FAR2: variants seen among roughly 807,000 people sequenced by gnomAD.
The protein encoded by FAR2 is epididymis secretory protein Li 81.
Under a neutral mutation model 56.0 loss-of-function variants are expected in FAR2, and 19 were observed. The ratio of observed to expected loss-of-function variants is 0.34; its 90% CI spans 0.24 to 0.50. The LOEUF is 0.50. Among genes scored for constraint, FAR2 ranks in the 20% least tolerant of loss-of-function variants. The pLI, the probability that FAR2 is intolerant of heterozygous loss-of-function variation, is 0.98. For missense variants in FAR2, 508 were observed against 642.2 expected (o/e 0.79, Z 2.26); for synonymous variants, 219 against 218.8 (o/e 1.00, Z -0.01).
At chr12:29,222,406 G>A (rs1478861250) in intron 1 of FAR2, among the ~76,000 whole-genome samples, 3 of 152,132 alleles carry the variant, frequency 2.0e-5, no homozygotes, top group Admixed American at 2.0e-4. Flanking sequence ...TATTGCACTA[G>A]GGGAGAGAGA....
At chr12:29,297,951 G>T (rs113064633) in intron 4 of FAR2, among the ~76,000 whole-genome samples, 1 of 150,420 alleles carries the variant, frequency 6.6e-6, no homozygotes, top group Non-Finnish European at 1.5e-5. Context: ...GGGGAGAATC[G>T]CTTGAACCTG....
intron 2 of FAR2, among the ~76,000 whole-genome samples, chr12:29,286,069 AC>A (rs1414670525): frequency 3.0e-5 from 1 of 33,878 alleles, no homozygotes; most frequent in Non-Finnish European, 6.4e-5. Flanking sequence ...ACACAGACAC[AC>A]ACACACACAC....
intron 4 of FAR2, among the ~76,000 whole-genome samples, chr12:29,300,629 A>AGTTGTTGTTGTT (rs34282694): frequency 4.0e-5 from 6 of 150,100 alleles, no homozygotes; most frequent in Admixed American, 2.0e-4. Context: ...CCTGGGGGAA[A>AGTTGTTGTTGTT]GTTGTTGTTG....
intron 1 of FAR2, among the ~76,000 whole-genome samples, chr12:29,201,236 T>C (rs1324552508): frequency 1.3e-5 from 2 of 152,228 alleles, no homozygotes; most frequent in Non-Finnish European, 2.9e-5. Flanking sequence ...TATTTGCACC[T>C]GAGCCTGCCC....
intron 1 of FAR2, among the ~76,000 whole-genome samples, chr12:29,180,888 T>G (rs1464127462): frequency 1.3e-5 from 2 of 152,142 alleles, no homozygotes; most frequent in Non-Finnish European, 1.5e-5. Flanking sequence ...CTCATAATCC[T>G]TCTGTGTACA....
In FAR2 at chr12:29,334,846, G is replaced by A. The variant is rs1949775262; in HGVS notation, c.*1052G>A. The A allele has an allele frequency of 2.0e-5, 3 of 152,162 alleles. No homozygotes were observed. 9.4% of individuals were successfully genotyped at this position (152,162 alleles called of 1,614,324 possible). On this transcript the variant is annotated 3_prime_UTR_variant, in exon 12 of 12. Coordinates refer to ENST00000536681, the MANE Select transcript of FAR2 (RefSeq NM_001271783.2). ...ACAACACACAGCAGAAAAGTGAATA[G>A]ACTTCACTAAGGGATTCTAAGTTTA... is the stretch of plus-strand genomic sequence containing the variant.
At chr12:29,215,574 A>G (rs1392537829) in intron 1 of FAR2, among the ~76,000 whole-genome samples, 1 of 152,212 alleles carries the variant, frequency 6.6e-6, no homozygotes, top group Admixed American at 6.5e-5. Flanking sequence ...GAAAAAATCA[A>G]ATCTGTTATC....
At chr12:29,240,167 T>C (rs1948004502) in intron 1 of FAR2, among the ~76,000 whole-genome samples, 2 of 152,188 alleles carry the variant, frequency 1.3e-5, no homozygotes, top group South Asian at 4.1e-4. Flanking sequence ...TTATACAAAA[T>C]AGTATAATTT....
Position 29,333,891 on chromosome 12 carries a change from C to T in FAR2, c.*97C>T. The T allele has an allele frequency of 8.9e-7, 1 of 1,127,436 alleles. No individual in the cohort carries two copies. Among genetic ancestry groups the T allele is most frequent in the Non-Finnish European group, 1.3e-6 (1 of 781,840 alleles). The allele number at this position is 1,127,436 out of a possible 1,614,324, so 69.8% of individuals were successfully genotyped here. On this transcript the variant is annotated 3_prime_UTR_variant, in exon 12 of 12. Transcript: ENST00000536681. ...ATTAGAAAGTAACAAGGAATATGCC[C>T]AAACTGTCAAATGTCACCTGTTATG... is the stretch of plus-strand genomic sequence containing the variant.
intron 1 of FAR2, among the ~76,000 whole-genome samples, chr12:29,174,646 T>C (rs918037443): frequency 6.6e-6 from 1 of 151,974 alleles, no homozygotes; most frequent in African/African-American, 2.4e-5. Context: ...GGTCTCGATC[T>C]CCTGACCTCA....
intron 3 of FAR2, among the ~76,000 whole-genome samples, chr12:29,293,814 T>C (rs1055947985): frequency 3.3e-5 from 5 of 152,230 alleles, no homozygotes; most frequent in African/African-American, 1.2e-4. Flanking sequence ...AATGATTACA[T>C]GACATTCCAT....
At chr12:29,297,683 A>G (rs1949093705) in intron 4 of FAR2, among the ~76,000 whole-genome samples, 1 of 152,204 alleles carries the variant, frequency 6.6e-6, no homozygotes, top group South Asian at 2.1e-4. Context: ...TGAGGTTGAA[A>G]AAAGTTATAT....
At chr12:29,216,197 C>T (rs1205470426) in intron 1 of FAR2, among the ~76,000 whole-genome samples, 1 of 152,224 alleles carries the variant, frequency 6.6e-6, no homozygotes, top group Non-Finnish European at 1.5e-5. Flanking sequence ...ACACTATCTA[C>T]CTCCAGGCTC....
At chr12:29,313,795 T>C (rs1591960838) in intron 8 of FAR2, among the ~76,000 whole-genome samples, 2 of 152,262 alleles carry the variant, frequency 1.3e-5, no homozygotes, top group East Asian at 1.9e-4. Flanking sequence ...AAAGGGTTTA[T>C]TATTTTTTTC....
chr12:29,249,187 G>T (rs1342570064), intron 1 of FAR2, among the ~76,000 whole-genome samples: 1 of 152,178 alleles, frequency 6.6e-6, no homozygotes, highest in Non-Finnish European at 1.5e-5. Flanking sequence ...TTTAGAGATT[G>T]CAGTAAAGAC....
intron 1 of FAR2, among the ~76,000 whole-genome samples, chr12:29,212,103 G>A (rs1947556815): frequency 6.6e-6 from 1 of 151,680 alleles, no homozygotes; most frequent in African/African-American, 2.4e-5. Context: ...AATTCTCAAA[G>A]TACGTTCAGA....
At chr12:29,181,788 T>A (rs1949994332) in intron 1 of FAR2, among the ~76,000 whole-genome samples, 1 of 152,260 alleles carries the variant, frequency 6.6e-6, no homozygotes, top group African/African-American at 2.4e-5. Context: ...CCCCAATACT[T>A]GATTCTACCT....
At chr12:29,243,688 T>C (rs1195579425) in intron 1 of FAR2, among the ~76,000 whole-genome samples, 1 of 152,188 alleles carries the variant, frequency 6.6e-6, no homozygotes, top group African/African-American at 2.4e-5. Flanking sequence ...GTAGCAGTTA[T>C]AGGCCTAATA....
intron 8 of FAR2, among the ~76,000 whole-genome samples, chr12:29,316,336 C>T (rs1214194840): frequency 6.6e-6 from 1 of 152,080 alleles, no homozygotes; most frequent in African/African-American, 2.4e-5. Context: ...AACATATTCC[C>T]AGAGAAGTAT....
Sources: allele counts gnomAD v4.1 joint callset (sites outside exome capture counted in the v4.1 genomes callset), GRCh38; gene constraint gnomAD v4.1.1; transcripts MANE v1.5; gene names NCBI Gene and HGNC (gene_info 2026-07-23, HGNC 2026-07-21).